RANBP2: variants seen among roughly 807,000 people sequenced by gnomAD.
The protein encoded by RANBP2 is E3 SUMO-protein ligase RanBP2.
Under a neutral mutation model 303.6 loss-of-function variants are expected in RANBP2, and 57 were observed. That is an observed-to-expected ratio of 0.19 (90% confidence interval 0.15 to 0.23). The LOEUF (loss-of-function observed/expected upper bound fraction) is 0.23. Ranked by LOEUF, RANBP2 falls within the 10% of genes least tolerant of loss-of-function variation. The probability of loss-of-function intolerance (pLI) is 1.00; values close to 1 mark genes in which losing one functional copy is unlikely to be tolerated. For missense variants in RANBP2, 3,138 were observed against 3,780.8 expected (o/e 0.83, Z 4.46); for synonymous variants, 1,167 against 1,301.5 (o/e 0.90, Z 2.23).
At chr2:109,294,803 C>T in the RANBP2 span, among the ~76,000 whole-genome samples, 1 of 152,140 alleles carries the variant, frequency 6.6e-6, no homozygotes, top group Non-Finnish European at 1.5e-5. Flanking sequence ...GAGGTACCGA[C>T]TCAGCCCAGG....
At chr2:109,715,973 T>A in the RANBP2 span, among the ~76,000 whole-genome samples, 1 of 152,194 alleles carries the variant, frequency 6.6e-6, no homozygotes, top group Admixed American at 6.5e-5. Flanking sequence ...TAAACCAAAA[T>A]GTGTCTGAGA....
chr2:108,900,571 A>AAAAAAAAAAAAAAC, the RANBP2 span, among the ~76,000 whole-genome samples: 3 of 147,480 alleles, frequency 2.0e-5, no homozygotes, highest in Admixed American at 6.7e-5. Context: ...AAAAAAAAAA[A>AAAAAAAAAAAAAAC]AACAAAAAAC....
At chr2:109,276,705 T>A in the RANBP2 span, among the ~76,000 whole-genome samples, 1 of 152,220 alleles carries the variant, frequency 6.6e-6, no homozygotes, top group South Asian at 2.1e-4. Flanking sequence ...TTTTGGCTTG[T>A]TTTAAATCAC....
the RANBP2 span, among the ~76,000 whole-genome samples, chr2:109,512,822 C>G: frequency 5.4e-5 from 8 of 147,392 alleles, no homozygotes; most frequent in Admixed American, 5.4e-4. Flanking sequence ...CTGACCCTGA[C>G]CCCTCCTCAC....
At chr2:109,176,385 C>CA in the RANBP2 span, among the ~76,000 whole-genome samples, 1 of 152,152 alleles carries the variant, frequency 6.6e-6, no homozygotes, top group Non-Finnish European at 1.5e-5. Context: ...ACACCATGTG[C>CA]AATGGAATGC....
the RANBP2 span, among the ~76,000 whole-genome samples, chr2:109,329,124 T>A: frequency 6.6e-6 from 1 of 152,178 alleles, no homozygotes; most frequent in Non-Finnish European, 1.5e-5. Flanking sequence ...CTCCAAATGT[T>A]CCCCTCTCTC....
At chr2:108,743,900 A>G (rs1241921493) in intron 7 of RANBP2, among the ~76,000 whole-genome samples, 2 of 151,986 alleles carry the variant, frequency 1.3e-5, no homozygotes, top group Non-Finnish European at 2.9e-5. Context: ...AGATGCTTGT[A>G]TTTTATTTTA....
the RANBP2 span, among the ~76,000 whole-genome samples, chr2:109,241,514 C>G: frequency 1.3e-5 from 2 of 151,954 alleles, no homozygotes; most frequent in Non-Finnish European, 2.9e-5. Context: ...ATTTTGTTGG[C>G]AGAAAATCAG....
chr2:108,912,765 C>A, the RANBP2 span: 1 of 1,588,678 alleles, frequency 6.3e-7, no homozygotes, highest in South Asian at 1.2e-5. Context: ...GCTCCCACAC[C>A]TGCAAGGAAA....
At chr2:108,919,284 G>A in the RANBP2 span, among the ~76,000 whole-genome samples, 1 of 152,176 alleles carries the variant, frequency 6.6e-6, no homozygotes, top group African/African-American at 2.4e-5. Flanking sequence ...TTTGCCTGAG[G>A]GGACTTCGTC....
At chr2:108,923,287 C>T in the RANBP2 span, 2,902 of 1,364,364 alleles carry the variant, frequency 2.1e-3, 3 homozygotes, top group Non-Finnish European at 2.5e-3. Flanking sequence ...GTGCCAGGAC[C>T]GGCTCTTTCC....
chr2:109,103,482 C>T, the RANBP2 span, among the ~76,000 whole-genome samples: 4 of 152,060 alleles, frequency 2.6e-5, no homozygotes, highest in Non-Finnish European at 5.9e-5. Flanking sequence ...AACTGGAAGG[C>T]GGGTGGGGTG....
At chr2:109,373,243 G>A in the RANBP2 span, among the ~76,000 whole-genome samples, 3 of 152,314 alleles carry the variant, frequency 2.0e-5, no homozygotes, top group South Asian at 6.2e-4. Context: ...CTTAATGCGC[G>A]AATACCACTT....
the RANBP2 span, chr2:109,733,071 G>A: frequency 4.3e-5 from 24 of 556,490 alleles, no homozygotes; most frequent in East Asian, 2.4e-4. Context: ...TCTTGTAGCC[G>A]GAGCAGGTCC....
chr2:109,420,376 C>T, the RANBP2 span, among the ~76,000 whole-genome samples: 2 of 152,104 alleles, frequency 1.3e-5, no homozygotes, highest in Admixed American at 6.5e-5. Flanking sequence ...GGTGGGTAGA[C>T]GTCAGAGGGA....
the RANBP2 span, among the ~76,000 whole-genome samples, chr2:109,731,731 C>T: frequency 1.3e-5 from 2 of 151,952 alleles, no homozygotes; most frequent in African/African-American, 4.8e-5. Flanking sequence ...AGGTGATCCC[C>T]CCAGCCTCGG....
chr2:108,875,489 G>T, the RANBP2 span, among the ~76,000 whole-genome samples: 1 of 152,028 alleles, frequency 6.6e-6, no homozygotes, highest in African/African-American at 2.4e-5. Flanking sequence ...TCAAATGTTT[G>T]TCTGTTTTGC....
the RANBP2 span, among the ~76,000 whole-genome samples, chr2:108,815,039 T>A: frequency 1.3e-5 from 2 of 152,366 alleles, no homozygotes; most frequent in South Asian, 4.1e-4. Flanking sequence ...AAATGTGTTT[T>A]GTAATAATAC....
the RANBP2 span, among the ~76,000 whole-genome samples, chr2:108,962,409 C>T: frequency 2.0e-5 from 3 of 152,136 alleles, no homozygotes; most frequent in East Asian, 1.9e-4. Context: ...CGCGGTGGCT[C>T]ACGCCTGTAA....
Sources: gnomAD v4.1 joint callset for allele counts (sites outside exome capture counted in the v4.1 genomes callset) on GRCh38, gnomAD v4.1.1 for gene constraint, MANE v1.5 for transcripts, NCBI Gene and HGNC (gene_info 2026-07-23, HGNC 2026-07-21) for gene names.